HSPG2: variants seen among roughly 807,000 people sequenced by gnomAD.
HSPG2 encodes heparan sulfate proteoglycan 2.
A neutral mutation model predicts 526.6 loss-of-function variants in HSPG2; 278 were observed. The ratio of observed to expected loss-of-function variants is 0.53; its 90% confidence interval spans 0.48 to 0.58. The LOEUF (loss-of-function observed/expected upper bound fraction) is 0.58, where lower values mean the gene tolerates loss of function less well. Ranked by LOEUF, HSPG2 falls within the 20% of genes least tolerant of loss-of-function variation. The pLI, the probability that HSPG2 is intolerant of heterozygous loss-of-function variation, is 0.00. For synonymous variants in HSPG2, 2,465 were observed against 2,555.4 expected, an observed-to-expected ratio of 0.96 and a Z score of 1.07; for missense variants, 5,354 against 6,099.5, an observed-to-expected ratio of 0.88 and a Z score of 4.07.
chr1:21,826,036 T>A (rs2097972743), intron 91 of HSPG2, among the ~76,000 whole-genome samples: 2 of 151,888 alleles, frequency 1.3e-5, no homozygotes, highest in South Asian at 4.1e-4. Context: ...ACCCACCTTG[T>A]CCTCCCAAAG....
intron 50 of HSPG2, chr1:21,853,983 G>A: frequency 1.9e-6 from 1 of 530,546 alleles, no homozygotes; most frequent in Non-Finnish European, 3.3e-6. Context: ...GACAAATTCT[G>A]AAACAGTCAC....
intron 91 of HSPG2, among the ~76,000 whole-genome samples, chr1:21,825,722 C>T (rs545174010): frequency 4.9e-4 from 74 of 152,300 alleles, no homozygotes; most frequent in African/African-American, 1.7e-3. Context: ...CTACAGACAC[C>T]ACTGCATTTA....
intron 1 of HSPG2, among the ~76,000 whole-genome samples, chr1:21,933,778 G>A (rs1246274912): frequency 6.6e-6 from 1 of 152,240 alleles, no homozygotes; most frequent in Non-Finnish European, 1.5e-5. Flanking sequence ...AATGTCCAGG[G>A]CACACTCAAA....
rs1451227997 is a variant in HSPG2 at position 21,847,827 on chromosome 1, G to C, written c.7887C>G (p.Ser2629=). 3 of 1,613,750 alleles carry C rather than the reference G, an allele frequency of 1.9e-6. No homozygotes were observed. The highest frequency in any genetic ancestry group is 2.5e-6 in the Non-Finnish European group (3 of 1,179,996). Residue 2629 remains serine (S), a synonymous_variant, in exon 61 of 97, where the codon TCC becomes TCG. Transcript: ENST00000374695. The surrounding 1 kb of genome is among the most constrained non-coding windows in gnomAD (Gnocchi z 4.1). ...AAGACGACTCGATCCTGATCGGTGG[G>C]GAGACGCTGGGCACTGGGGACAGAC... The part of the protein sequence containing the change: ...GSGSSHVPSV[S]PPIRIESSSP...
chr1:21,901,874 C>T (rs1413292533), intron 1 of HSPG2, among the ~76,000 whole-genome samples: 1 of 152,188 alleles, frequency 6.6e-6, no homozygotes, highest in East Asian at 1.9e-4. Flanking sequence ...CCCCTGCCCA[C>T]TGCCAAGGAA....
At chr1:21,856,627 G>A (rs575128886) in intron 44 of HSPG2, among the ~76,000 whole-genome samples, 43 of 152,076 alleles carry the variant, frequency 2.8e-4, no homozygotes, top group African/African-American at 1.0e-3. Context: ...CTGTTGGCCA[G>A]GCTGGTCTGG....
At chr1:21,907,298 G>C (rs1435244236) in intron 1 of HSPG2, among the ~76,000 whole-genome samples, 1 of 152,158 alleles carries the variant, frequency 6.6e-6, no homozygotes, top group Non-Finnish European at 1.5e-5. Context: ...TGCAGGTAAG[G>C]GGGTGCTGGT....
Position 21,884,515 on chromosome 1 carries a change from C to A in HSPG2, c.1654+13G>T. The stretch of plus-strand genomic sequence containing the variant: ...TCCCACCTCCCGCAGCGCTCACCCG[C>A]CCGCCAACGCACCCTTGAAGTCATC... On this transcript the variant is annotated intron_variant, in intron 13 of 96. Coordinates refer to ENST00000374695, the MANE Select transcript of HSPG2 (RefSeq NM_005529.7). The A allele has an allele frequency of 6.2e-7, 1 of 1,611,030 alleles. No homozygotes were observed. Among genetic ancestry groups the A allele is most frequent in the Non-Finnish European group, 8.5e-7 (1 of 1,179,844 alleles).
intron 57 of HSPG2, 110 bp downstream of exon 57, chr1:21,849,931 G>C (rs1265659412): frequency 4.5e-6 from 6 of 1,340,860 alleles, no homozygotes; most frequent in Non-Finnish European, 6.4e-6. Context: ...TCCTGCCTTG[G>C]CCTCCCAAAG....
In HSPG2 at chr1:21,890,711, G is replaced by C. The variant is rs1228258035; in HGVS notation, c.245-17C>G. The C allele has an allele frequency of 6.3e-7, 1 of 1,589,228 alleles. No individual in the cohort carries two copies. Among genetic ancestry groups the C allele is most frequent in the East Asian group, 2.2e-5 (1 of 44,788 alleles). On this transcript the variant is annotated splice_polypyrimidine_tract_variant and intron_variant, in intron 3 of 96. Coordinates refer to ENST00000374695, the MANE Select transcript of HSPG2 (RefSeq NM_005529.7). This position sits in a 1 kb window ranked among gnomAD's most constrained non-coding sequence, Gnocchi z 4.1. ...GGAAATAAACTGGAAAATCGAAGGA[G>C]GATCATTTTGAGAGCCCCAGCCTGG... is the stretch of plus-strand genomic sequence containing the variant.
At chr1:21,935,385 T>C (rs1240904586) in intron 1 of HSPG2, among the ~76,000 whole-genome samples, 1 of 152,138 alleles carries the variant, frequency 6.6e-6, no homozygotes, top group Non-Finnish European at 1.5e-5. Flanking sequence ...AGCCTGTGAG[T>C]GCTGGGAAGG....
chr1:21,915,886 C>T (rs1643875013), intron 1 of HSPG2, among the ~76,000 whole-genome samples: 2 of 150,264 alleles, frequency 1.3e-5, no homozygotes, highest in Non-Finnish European at 3.0e-5. Context: ...CACATCTCTA[C>T]TAAAAATAAA....
At chr1:21,826,627 A>C (rs191247119) in intron 91 of HSPG2, among the ~76,000 whole-genome samples, 245 of 151,632 alleles carry the variant, frequency 1.6e-3, no homozygotes, top group African/African-American at 5.0e-3. Flanking sequence ...CTCCTGCCTC[A>C]GCCTCCGGAG....
At position 21,887,145 on chromosome 1, in the gene HSPG2, T is replaced by TGGAAGGCGGGGCAGGAGC; in HGVS notation, c.1078+52_1078+69dup. The TGGAAGGCGGGGCAGGAGC allele has an allele frequency of 6.4e-7, 1 of 1,551,966 alleles. No individual in the cohort carries two copies. The highest frequency in any genetic ancestry group is 1.8e-5 in the Admixed American group (1 of 56,098). ...GGGCAGGGTAGGGGCGGGGCAGGAG[T>TGGAAGGCGGGGCAGGAGC]GGAAGGCGGGGCAGGAGCAAGCGGC... On this transcript the variant is annotated intron_variant, in intron 9 of 96. Coordinates refer to ENST00000374695, the MANE Select transcript of HSPG2 (RefSeq NM_005529.7). This position sits in a 1 kb window ranked among gnomAD's most constrained non-coding sequence, Gnocchi z 5.0.
At position 21,852,929 on chromosome 1, in the gene HSPG2, G is replaced by A. The variant is rs1333626722; in HGVS notation, c.6581C>T (p.Ala2194Val). 6.2e-7 allele frequency: 1 copy of A among 1,613,050 alleles called. No individual in the cohort carries two copies. The highest frequency in any genetic ancestry group is 1.1e-5 in the South Asian group (1 of 91,034). Residue 2194 changes from alanine to valine, a missense_variant, in exon 51 of 97, where the codon GCC (alanine) becomes GTC (valine). Ala to Val is a moderately conservative substitution (Grantham distance 64). Coordinates refer to ENST00000374695, the MANE Select transcript of HSPG2 (RefSeq NM_005529.7). ...GGGGGGCTGCCATACCTGGTGCCGGGCAGGGAGGCTGCCCCCACGCTTGTG... is the reference window on the plus strand; with the variant it reads ...GGGGGGCTGCCATACCTGGTGCCGGACAGGGAGGCTGCCCCCACGCTTGTG... Reference protein sequence around the residue: ...TWHKRGGSLPARHQTHGSLLR... With the variant: ...TWHKRGGSLPVRHQTHGSLLR...
At chr1:21,913,811 A>G (rs1643792529) in intron 1 of HSPG2, among the ~76,000 whole-genome samples, 1 of 152,218 alleles carries the variant, frequency 6.6e-6, no homozygotes, top group Admixed American at 6.5e-5. Flanking sequence ...GAAGGCTCTG[A>G]TCTCATAAAC....
At chr1:21,911,579 G>C (rs1048083121) in intron 1 of HSPG2, among the ~76,000 whole-genome samples, 2 of 152,214 alleles carry the variant, frequency 1.3e-5, no homozygotes, top group African/African-American at 4.8e-5. Flanking sequence ...CCTTTACCCA[G>C]TTCCCTGGGA....
chr1:21,877,059 CAAA>C (rs3077630), intron 21 of HSPG2, among the ~76,000 whole-genome samples: 10 of 103,150 alleles, frequency 9.7e-5, no homozygotes. Context: ...GACTCCATCT[CAAA>C]AAAAAAAAAA....
At position 21,822,526 on chromosome 1, in the gene HSPG2, C is replaced by T; in HGVS notation, c.*790G>A. On this transcript the variant is annotated 3_prime_UTR_variant, in exon 97 of 97. Transcript: ENST00000374695. ...TTGTCTGTTGGAGGAGTCCCTGGGCCTTCACTTCCAGATGGGTGGGGATGT... is the reference window on the plus strand; with the variant it reads ...TTGTCTGTTGGAGGAGTCCCTGGGCTTTCACTTCCAGATGGGTGGGGATGT... The T allele has an allele frequency of 6.7e-6, 2 of 296,806 alleles. No homozygotes were observed. The highest frequency in any genetic ancestry group is 4.1e-5 in the Admixed American group (1 of 24,354). 18.4% of individuals were successfully genotyped at this position (296,806 alleles called of 1,614,324 possible).
Sources: allele counts gnomAD v4.1 joint callset (sites outside exome capture counted in the v4.1 genomes callset), GRCh38; gene constraint gnomAD v4.1.1; non-coding constraint Gnocchi (gnomAD v3.1); transcripts MANE v1.5; gene names NCBI Gene and HGNC (gene_info 2026-07-23, HGNC 2026-07-21).